TIAM1: variants seen among roughly 807,000 people sequenced by gnomAD.
TIAM1 encodes the protein TIAM Rac1 associated GEF 1.
In TIAM1, 65 loss-of-function variants were observed where a neutral mutation model predicts 163.5. That is an observed-to-expected ratio of 0.40 (90% CI 0.33 to 0.49). The LOEUF is 0.49. Among genes scored for constraint, TIAM1 ranks in the 20% least tolerant of loss-of-function variants. TIAM1 has a pLI of 0.77. For missense variants in TIAM1, 1,789 were observed against 2,044.7 expected, an observed-to-expected ratio of 0.87 and a Z score of 2.41; for synonymous variants, 833 against 810.1, an observed-to-expected ratio of 1.03 and a Z score of -0.48.
intron 1 of TIAM1, among the ~76,000 whole-genome samples, chr21:31,522,770 C>A (rs910469293): frequency 1.3e-5 from 2 of 152,172 alleles, no homozygotes; most frequent in African/African-American, 2.4e-5. Flanking sequence ...GGATCACTGG[C>A]TATAACATAT....
In TIAM1 at chr21:31,501,933, G is replaced by C. The variant is rs539317938; in HGVS notation, c.-421-37898C>G. ...AGTGGTTTTTACCAACAACAAAGAA[G>C]CCACTTGCTTGGAAATGTGGGACCA... is the stretch of plus-strand genomic sequence containing the variant. On this transcript the variant is annotated intron_variant, in intron 1 of 28. Transcript: ENST00000286827. Among the ~76,000 whole-genome samples the C allele has an allele frequency of 1.3e-4, 20 of 152,216 alleles. No individual in the cohort carries two copies. The East Asian group carries it at 3.9e-3, about 30-fold the overall frequency.
In TIAM1 at chr21:31,377,183, CT is replaced by C. The variant is rs10585362; in HGVS notation, c.-368-37762del. Among the ~76,000 whole-genome samples the C allele has an allele frequency of 5.9e-3, 823 of 140,406 alleles. 8 individuals are homozygous for C. The highest frequency in any genetic ancestry group is 0.015 in the East Asian group (71 of 4,836). The allele number at this position is 140,406 out of a possible 152,430, so 92.1% of individuals were successfully genotyped here. A position where few individuals can be genotyped will look rare whatever the true frequency, so the allele number is the denominator to read the frequency against. On this transcript the variant is annotated intron_variant, in intron 2 of 28. Coordinates refer to the TIAM1 transcript ENST00000286827. ...TGTGAGCCACTGCACCTGGCTGAAA[CT>C]TTTTTTTTTTTTTTTTTTAAGATAG...
intron 1 of TIAM1, among the ~76,000 whole-genome samples, chr21:31,545,678 A>T (rs2048463517): frequency 6.6e-6 from 1 of 152,192 alleles, no homozygotes; most frequent in South Asian, 2.1e-4. Flanking sequence ...GTTCAATCCC[A>T]GCCTGAAAGG....
In TIAM1 at chr21:31,276,815, G is replaced by C. The variant is rs759763011; in HGVS notation, c.-95C>G. 5 of 152,204 alleles carry C rather than the reference G, an allele frequency of 3.3e-5. No individual in the cohort carries two copies. The highest frequency in any genetic ancestry group is 7.3e-5 in the Non-Finnish European group (5 of 68,040). 9.4% of individuals were successfully genotyped at this position (152,204 alleles called of 1,614,324 possible). On this transcript the variant is annotated 5_prime_UTR_variant, in exon 3 of 28. It adds an upstream start codon to the 5' untranslated region. Transcript: ENST00000541036. ...ATATTGAGGTTGGAAATGATGTCCGGATGAACAGCCACAGGGCTGGGGACG... is the reference window on the plus strand; with the variant it reads ...ATATTGAGGTTGGAAATGATGTCCGCATGAACAGCCACAGGGCTGGGGACG...
chr21:31,444,015 T>C (rs1009304921), intron 2 of TIAM1, among the ~76,000 whole-genome samples: 3 of 152,196 alleles, frequency 2.0e-5, no homozygotes, highest in African/African-American at 7.2e-5. Flanking sequence ...CTGCAGTTCA[T>C]CCTTAGACCC....
intron 23 of TIAM1, among the ~76,000 whole-genome samples, chr21:31,132,227 C>A (rs1420307737): frequency 6.6e-6 from 1 of 152,206 alleles, no homozygotes; most frequent in Admixed American, 6.5e-5. Context: ...CTACGGAGGG[C>A]AGGTCGGTCT....
intron 3 of TIAM1, among the ~76,000 whole-genome samples, chr21:31,269,671 GT>G (rs11350283): frequency 0.44 from 54,450 of 123,862 alleles, 11,676 homozygotes; most frequent in East Asian, 0.74. Context: ...AAGTTTGTTT[GT>G]TTTTTTTTTT....
At chr21:31,186,666 A>G (rs1209494351) in intron 14 of TIAM1, among the ~76,000 whole-genome samples, 2 of 152,082 alleles carry the variant, frequency 1.3e-5, no homozygotes, top group African/African-American at 4.8e-5. Context: ...GTACTCCCCT[A>G]GCGACCTGGG....
intron 20 of TIAM1, among the ~76,000 whole-genome samples, chr21:31,146,427 A>C (rs1330314565): frequency 7.2e-6 from 1 of 139,594 alleles, no homozygotes; most frequent in African/African-American, 2.7e-5. Flanking sequence ...AAAAAAAAAC[A>C]AGGCAGGGAG....
chr21:31,399,745 G>A (rs2077133113), intron 2 of TIAM1, among the ~76,000 whole-genome samples: 1 of 152,140 alleles, frequency 6.6e-6, no homozygotes. Context: ...TTTTGACTTT[G>A]AGTTGATACA....
At chr21:31,499,569 A>AC (rs906544991) in intron 1 of TIAM1, among the ~76,000 whole-genome samples, 1 of 147,304 alleles carries the variant, frequency 6.8e-6, no homozygotes, top group African/African-American at 2.5e-5. Flanking sequence ...AAAAAAAAAA[A>AC]CGCTGAGCAC....
At chr21:31,448,948 C>T (rs1248083783) in intron 2 of TIAM1, among the ~76,000 whole-genome samples, 1 of 152,078 alleles carries the variant, frequency 6.6e-6, no homozygotes, top group East Asian at 1.9e-4. Context: ...ATAACAGTGC[C>T]CACCTGCTAG....
At chr21:31,504,625 G>A (rs2046967331) in intron 1 of TIAM1, among the ~76,000 whole-genome samples, 1 of 152,138 alleles carries the variant, frequency 6.6e-6, no homozygotes, top group Non-Finnish European at 1.5e-5. Context: ...TGGAACCAAG[G>A]GTAGTTCTCC....
intron 5 of TIAM1, among the ~76,000 whole-genome samples, chr21:31,248,407 G>A (rs543205348): frequency 2.0e-5 from 3 of 152,074 alleles, no homozygotes; most frequent in Admixed American, 6.5e-5. Flanking sequence ...TGATCAACTC[G>A]TTCCAACTTT....
At chr21:31,387,258 T>C (rs2076890845) in intron 2 of TIAM1, among the ~76,000 whole-genome samples, 1 of 143,436 alleles carries the variant, frequency 7.0e-6, no homozygotes, top group South Asian at 2.3e-4. Flanking sequence ...GTCTCGCTCG[T>C]GTCGTCCAGG....
chr21:31,528,698 G>A (rs1035097683), intron 1 of TIAM1, among the ~76,000 whole-genome samples: 5 of 149,642 alleles, frequency 3.3e-5, no homozygotes, highest in Admixed American at 6.7e-5. Context: ...CCAGCTACTC[G>A]GGAGGCTGAG....
chr21:31,514,790 G>C (rs2047326930), intron 1 of TIAM1, among the ~76,000 whole-genome samples: 1 of 152,206 alleles, frequency 6.6e-6, no homozygotes, highest in Non-Finnish European at 1.5e-5. Flanking sequence ...TCTGGAGTGT[G>C]GTCCCTGCTG....
intron 1 of TIAM1, among the ~76,000 whole-genome samples, chr21:31,474,348 A>G (rs936373534): frequency 6.6e-6 from 1 of 152,168 alleles, no homozygotes; most frequent in Non-Finnish European, 1.5e-5. Context: ...GGGTCAGGAC[A>G]CCTGGATTCA....
chr21:31,245,773 G>T, intron 5 of TIAM1, 113 bp from the exon 6 acceptor site: 1 of 1,031,866 alleles, frequency 9.7e-7, no homozygotes, highest in Non-Finnish European at 1.3e-6. Flanking sequence ...AAAGCACGTG[G>T]AACCCAGGAA....
Sources: allele counts gnomAD v4.1 joint callset (sites outside exome capture counted in the v4.1 genomes callset), GRCh38; gene constraint gnomAD v4.1.1; transcripts MANE v1.5; gene names NCBI Gene and HGNC (gene_info 2026-07-23, HGNC 2026-07-21).